The following COL4A4 variants were observed in gnomAD, a reference collection of about 807,000 sequenced individuals.
The protein encoded by COL4A4 is collagen alpha-4(IV) chain.
COL4A4 carries 105 observed loss-of-function variants against 192.9 expected under a neutral mutation model. The ratio of observed to expected loss-of-function variants is 0.54; its 90% confidence interval spans 0.46 to 0.64. The LOEUF is 0.64. Among genes scored for constraint, COL4A4 ranks in the 30% least tolerant of loss-of-function variants. The probability of loss-of-function intolerance (pLI) is 0.00; values close to 1 mark genes in which losing one functional copy is unlikely to be tolerated. For missense variants in COL4A4, 1,967 were observed against 2,169.3 expected (o/e 0.91, Z 1.85); for synonymous variants, 762 against 769.9 (o/e 0.99, Z 0.17).
intron 24 of COL4A4, among the ~76,000 whole-genome samples, chr2:227,078,890 A>T (rs1222202483): frequency 1.3e-5 from 2 of 152,206 alleles, no homozygotes; most frequent in Non-Finnish European, 2.9e-5. Flanking sequence ...ATTGTCAACT[A>T]CCTTCCTAGG....
chr2:226,969,394 CTTTTTTTTT>C, the COL4A4 span, among the ~76,000 whole-genome samples: 2 of 115,526 alleles, frequency 1.7e-5, no homozygotes, highest in African/African-American at 6.5e-5. Context: ...ACAGCTCAGC[CTTTTTTTTT>C]TTTTTTTTTT....
rs1393612363 is a variant in COL4A4 at position 227,111,722 on chromosome 2, A to G, written c.559-9T>C. On this transcript the variant is annotated splice_polypyrimidine_tract_variant and intron_variant, in intron 8 of 47. Transcript: ENST00000396625. ...GGGTCCCCTCTGTCTCCCTGCAAAA[A>G]TAAGAATGCATTGCTTTAAGTCCAC... 1.2e-6 allele frequency: 2 copies of G among 1,613,622 alleles called. No homozygotes were observed. Among genetic ancestry groups the G allele is most frequent in the African/African-American group, 1.3e-5 (1 of 74,926 alleles).
intron 12 of COL4A4, among the ~76,000 whole-genome samples, chr2:227,108,036 ATCAGCCATCGTGC>A (rs2060963419): frequency 6.6e-6 from 1 of 152,112 alleles, no homozygotes; most frequent in Non-Finnish European, 1.5e-5. Flanking sequence ...AATTACAGGC[ATCAGCCATCGTGC>A]TCAGCCCTTA....
At chr2:227,140,096 T>C (rs1308238949) in intron 4 of COL4A4, 65 bp downstream of exon 4, 2 of 1,398,932 alleles carry the variant, frequency 1.4e-6, no homozygotes, top group Non-Finnish European at 2.0e-6. Context: ...GATTACTTTA[T>C]ATTAAATATT....
the COL4A4 span, chr2:226,997,114 C>T: frequency 6.6e-6 from 1 of 152,146 alleles, no homozygotes; most frequent in African/African-American, 2.4e-5. Context: ...CTAAGAAAAC[C>T]ACTGGAGCCT....
intron 19 of COL4A4, among the ~76,000 whole-genome samples, chr2:227,097,661 G>A (rs779482905): frequency 2.6e-5 from 4 of 152,068 alleles, no homozygotes; most frequent in East Asian, 1.9e-4. Context: ...TCTGACCAAC[G>A]GAATACTCTA....
chr2:227,160,527 G>T (rs1402854406), intron 1 of COL4A4, among the ~76,000 whole-genome samples: 4 of 152,102 alleles, frequency 2.6e-5, no homozygotes, highest in Non-Finnish European at 1.5e-5. Flanking sequence ...TCCCTGAGTG[G>T]CTACAATAAA....
intron 20 of COL4A4, among the ~76,000 whole-genome samples, chr2:227,090,415 T>A (rs1292772496): frequency 2.6e-5 from 4 of 152,028 alleles, no homozygotes; most frequent in African/African-American, 9.7e-5. Flanking sequence ...CAGTTTGGCA[T>A]CCTCCCCAAA....
rs569887036 is a variant in COL4A4 at position 227,041,688 on chromosome 2, CAGAG to C, written c.3505+456_3505+459del. ...AAGAAAAGGAAAAAAGAAAGAAAGA[CAGAG>C]AGAGAGAGAGAGAAGGAAGGAAGGG... On this transcript the variant is annotated intron_variant, in intron 37 of 47. Transcript: ENST00000396625. Among the ~76,000 whole-genome samples, 16 of 100,536 alleles carry C rather than the reference CAGAG, an allele frequency of 1.6e-4. 1 individual carries two copies. Among genetic ancestry groups the C allele is most frequent in the South Asian group, 3.2e-4 (1 of 3,144 alleles). The allele number at this position is 100,536 out of a possible 152,430, so 66.0% of individuals were successfully genotyped here.
At chr2:226,994,492 T>C in the COL4A4 span, among the ~76,000 whole-genome samples, 1 of 152,186 alleles carries the variant, frequency 6.6e-6, no homozygotes, top group African/African-American at 2.4e-5. Flanking sequence ...GACTTCTGGT[T>C]GATGTAGGTG....
chr2:227,048,217 G>C (rs964787484), intron 34 of COL4A4, among the ~76,000 whole-genome samples: 2 of 152,168 alleles, frequency 1.3e-5, no homozygotes, highest in African/African-American at 4.8e-5. Context: ...ACAGAGGTAA[G>C]TTAGATGTAT....
In COL4A4 at chr2:227,008,033, C is replaced by A; in HGVS notation, c.4794G>T (p.Gly1598=). The A allele has an allele frequency of 6.2e-7, 1 of 1,612,056 alleles. No homozygotes were observed. Among genetic ancestry groups the A allele is most frequent in the Non-Finnish European group, 8.5e-7 (1 of 1,180,018 alleles). Reference sequence around the variant, plus strand: ...CGGGACTCACCATCAGGAATGAATACCCGATCCAGAGGCTCCTCCAGGTCT... The same window carrying A: ...CGGGACTCACCATCAGGAATGAATAACCGATCCAGAGGCTCCTCCAGGTCT... ...CPQTWRSLWI[G]YSFLMHTGAG... The change falls in exon 47 of 48, where the codon GGG becomes GGT. Residue 1598 remains glycine (G), a synonymous_variant. Transcript: ENST00000396625.
In COL4A4 at chr2:227,123,021, C is replaced by T. The variant is rs935219764; in HGVS notation, c.193-1873G>A. 5.3e-5 allele frequency among the ~76,000 whole-genome samples: 8 copies of T among 152,086 alleles called. No homozygotes were observed. The highest frequency in any genetic ancestry group is 1.4e-4 in the African/African-American group (6 of 41,416). ...CTGGGATTACAGTTGCATGCCACCACACCTGGCTAATTTTTGTATTTTTAG... is the reference window on the plus strand; with the variant it reads ...CTGGGATTACAGTTGCATGCCACCATACCTGGCTAATTTTTGTATTTTTAG... On this transcript the variant is annotated intron_variant, in intron 4 of 47. Coordinates refer to ENST00000396625, the MANE Select transcript of COL4A4 (RefSeq NM_000092.5). The surrounding 1 kb of genome is among the most constrained non-coding windows in gnomAD (Gnocchi z 4.6).
At position 227,103,197 on chromosome 2, in the gene COL4A4, C is replaced by A. The variant is rs762043158; in HGVS notation, c.817G>T (p.Gly273Cys). ...PDFCLYKGEK[G>C]IKGIPGMVGL... ...ACCATTCCAGGAATTCCTTTTATAC[C>A]CTAAAAATTACAATGAATATAATTT... The change falls in exon 14 of 48, where the codon GGT becomes TGT. Residue 273 changes from glycine to cysteine, a missense_variant and splice_region_variant. Physicochemically the swap from Gly to Cys is radical, Grantham distance 159. Coordinates refer to ENST00000396625, the MANE Select transcript of COL4A4 (RefSeq NM_000092.5). The A allele has an allele frequency of 1.2e-6, 2 of 1,610,378 alleles. No homozygotes were observed. The highest frequency in any genetic ancestry group is 1.7e-6 in the Non-Finnish European group (2 of 1,177,572).
At chr2:227,016,289 C>T (rs1197836374) in intron 44 of COL4A4, among the ~76,000 whole-genome samples, 2 of 152,202 alleles carry the variant, frequency 1.3e-5, no homozygotes, top group Non-Finnish European at 2.9e-5. Flanking sequence ...AGGCTACATC[C>T]AGGAGTCACG....
At chr2:227,041,705 AAGGAAGGAAGG>A (rs1970899228) in intron 37 of COL4A4, among the ~76,000 whole-genome samples, 3 of 130,930 alleles carry the variant, frequency 2.3e-5, no homozygotes, top group African/African-American at 3.3e-5. Flanking sequence ...AGAGAGAGAG[AAGGAAGGAAGG>A]GAGGAGGAAG....
At position 227,035,146 on chromosome 2, in the gene COL4A4, T is replaced by C. The variant is rs560162646; in HGVS notation, c.3506-1665A>G. ...ACTGTCTCCCCTGCTCAAGGGTAAA[T>C]AGGAGTTCAAGACTAGGTCCTATGG... On this transcript the variant is annotated intron_variant, in intron 37 of 47. Transcript: ENST00000396625. Among the ~76,000 whole-genome samples, 3 of 152,160 alleles carry C rather than the reference T, an allele frequency of 2.0e-5. No homozygotes were observed. The South Asian group carries it at 6.2e-4, about 32-fold the overall frequency.
chr2:227,030,571 C>T lies in COL4A4; in HGVS notation c.3845G>A (p.Gly1282Glu). The change falls in exon 41 of 48, where the codon GGG becomes GAG. Residue 1282 changes from glycine to glutamate, a missense_variant. Gly to Glu is a moderately conservative substitution (Grantham distance 98). Transcript: ENST00000396625. ...CTCCCCTCTCAGAAGGTCAACACTC[C>T]CAGGGAGGCCTGGAGGCCCAGGTGC... is the stretch of plus-strand genomic sequence containing the variant. ...RGAPGPPGLP[G>E]SVDLLRGEPG... 6.2e-7 allele frequency: 1 copy of T among 1,611,056 alleles called. No homozygotes were observed. Among genetic ancestry groups the T allele is most frequent in the African/African-American group, 1.3e-5 (1 of 74,822 alleles).
chr2:227,123,588 C>G lies in COL4A4; in HGVS notation c.193-2440G>C, dbSNP rs959859102. On this transcript the variant is annotated intron_variant, in intron 4 of 47. Coordinates refer to ENST00000396625, the MANE Select transcript of COL4A4 (RefSeq NM_000092.5). The surrounding 1 kb of genome is among the most constrained non-coding windows in gnomAD (Gnocchi z 4.6). ...GCCCACATCTCAGTGTTATCCCGCCCTAGGGGAAGGGAGTGGGGGTATTTA... is the reference window on the plus strand; with the variant it reads ...GCCCACATCTCAGTGTTATCCCGCCGTAGGGGAAGGGAGTGGGGGTATTTA... Among the ~76,000 whole-genome samples the G allele has an allele frequency of 6.6e-6, 1 of 152,180 alleles. No homozygotes were observed. Among genetic ancestry groups the G allele is most frequent in the African/African-American group, 2.4e-5 (1 of 41,442 alleles).
Sources: gnomAD v4.1 joint callset for allele counts (sites outside exome capture counted in the v4.1 genomes callset) on GRCh38, gnomAD v4.1.1 for gene constraint, Gnocchi (gnomAD v3.1) non-coding constraint, MANE v1.5 for transcripts, NCBI Gene and HGNC (gene_info 2026-07-23, HGNC 2026-07-21) for gene names.